The following SLC44A2 variants were observed in gnomAD, a reference collection of about 807,000 sequenced individuals.
SLC44A2 encodes choline transporter-like protein 2.
A neutral mutation model predicts 90.8 loss-of-function variants in SLC44A2; 57 were observed. The observed-to-expected ratio is 0.63, with a 90% CI of 0.51 to 0.78. The LOEUF (loss-of-function observed/expected upper bound fraction) is 0.78. SLC44A2 is among the 30% of genes least tolerant of loss of function. The probability of loss-of-function intolerance (pLI) is 0.00; values close to 1 mark genes in which losing one functional copy is unlikely to be tolerated. For missense variants in SLC44A2, 794 were observed against 919.7 expected, an observed-to-expected ratio of 0.86 and a Z score of 1.77; for synonymous variants, 355 against 360.7, an observed-to-expected ratio of 0.98 and a Z score of 0.18.
Position 10,638,415 on chromosome 19 carries a change from G to A in SLC44A2, c.1929+100G>A, listed in dbSNP as rs1471463785. On this transcript the variant is annotated intron_variant, in intron 20 of 21. Transcript: ENST00000335757. Reference sequence around the variant, plus strand: ...ATAAATGTGGATAGAGGTCAGAGGTGGGGAATTGATTATTTATTCAGACCA... The same window carrying A: ...ATAAATGTGGATAGAGGTCAGAGGTAGGGAATTGATTATTTATTCAGACCA... 3 of 1,110,416 alleles carry A rather than the reference G, an allele frequency of 2.7e-6. No individual in the cohort carries two copies. The East Asian group carries it at 7.1e-5, about 26-fold the overall frequency. The allele number at this position is 1,110,416 out of a possible 1,614,324, so 68.8% of individuals were successfully genotyped here.
upstream of SLC44A2, among the ~76,000 whole-genome samples, chr19:10,623,053 G>A (rs1731968734): frequency 1.3e-5 from 2 of 151,340 alleles, no homozygotes; most frequent in Admixed American, 6.6e-5. Flanking sequence ...TGGTGGGTGG[G>A]GCCTGAATAA....
intron 1 of SLC44A2, among the ~76,000 whole-genome samples, chr19:10,602,938 C>A (rs1484017027): frequency 2.6e-5 from 4 of 152,172 alleles, no homozygotes; most frequent in African/African-American, 4.8e-5. Flanking sequence ...CCCCTTTGTC[C>A]ATTTCTTCCT....
rs1221332452 is a variant in SLC44A2 at position 10,638,087 on chromosome 19, A to C, written c.1834A>C (p.Ser612Arg). Residue 612 changes from serine (S) to arginine (R), a missense_variant, in exon 19 of 22, where the codon AGT becomes CGT. Transcript: ENST00000335757. Reference sequence around the variant, plus strand: ...GTTGGGCAAACTTCTGATCGTTGGTAGTGTGGGTGAGTGCCGCCCACCTAG... The same window carrying C: ...GTTGGGCAAACTTCTGATCGTTGGTCGTGTGGGTGAGTGCCGCCCACCTAG... The part of the protein sequence containing the change: ...FLLGKLLIVG[S>R]VGILAFFFFT... 1 of 1,612,904 alleles carries C rather than the reference A, an allele frequency of 6.2e-7. No individual in the cohort carries two copies. The highest frequency in any genetic ancestry group is 8.5e-7 in the Non-Finnish European group (1 of 1,179,798).
intron 1 of SLC44A2, among the ~76,000 whole-genome samples, chr19:10,608,148 A>T (rs905678282): frequency 2.1e-4 from 32 of 150,750 alleles, no homozygotes; most frequent in African/African-American, 6.3e-4. Flanking sequence ...GCTTGAACCC[A>T]GGAGGTGGAG....
Position 10,613,439 on chromosome 19 carries a change from T to C in SLC44A2, c.31+10878T>C, listed in dbSNP as rs553793593. ...TAATTTTTTGTATTTTTAGTAGACA[T>C]GGGGTTTCACCACGTTGGACAGGCT... On this transcript the variant is annotated intron_variant, in intron 1 of 21. Transcript: ENST00000407327. Among the ~76,000 whole-genome samples, 3 of 152,106 alleles carry C rather than the reference T, an allele frequency of 2.0e-5. No individual in the cohort carries two copies. In the South Asian group the frequency reaches 6.2e-4, roughly 31 times the overall value.
chr19:10,611,837 C>G (rs1473611265), intron 1 of SLC44A2, among the ~76,000 whole-genome samples: 1 of 152,038 alleles, frequency 6.6e-6, no homozygotes, highest in East Asian at 1.9e-4. Context: ...TACAAGTAAA[C>G]AAATAAACTC....
chr19:10,619,151 C>T (rs1370979735), intron 1 of SLC44A2, among the ~76,000 whole-genome samples: 1 of 151,216 alleles, frequency 6.6e-6, no homozygotes, highest in Non-Finnish European at 1.5e-5. Context: ...AAATTTTGGC[C>T]GGGCACAGTG....
In SLC44A2 at chr19:10,631,259, C is replaced by T; in HGVS notation, c.331-16C>T. ...CTGCCCCAACTCCACCCAATCCCTT[C>T]CTTCTCCCCTCCCAGATCTGCGTGG... is the stretch of plus-strand genomic sequence containing the variant. On this transcript the variant is annotated splice_polypyrimidine_tract_variant and intron_variant, in intron 5 of 21. Transcript: ENST00000335757. 2 of 1,613,380 alleles carry T rather than the reference C, an allele frequency of 1.2e-6. No homozygotes were observed. The highest frequency in any genetic ancestry group is 1.7e-6 in the Non-Finnish European group (2 of 1,179,360).
intron 10 of SLC44A2, among the ~76,000 whole-genome samples, chr19:10,633,967 A>T (rs1040622053): frequency 1.7e-5 from 1 of 60,260 alleles, no homozygotes; most frequent in African/African-American, 9.9e-5. Context: ...TAGAAACCCC[A>T]TCTCTATTTT....
intron 1 of SLC44A2, among the ~76,000 whole-genome samples, chr19:10,612,717 G>A (rs2144812453): frequency 6.6e-6 from 1 of 152,352 alleles, no homozygotes; most frequent in East Asian, 1.9e-4. Flanking sequence ...GCAGGCTGTG[G>A]CAGTTCTCTT....
At chr19:10,619,228 G>A (rs897483380) in intron 1 of SLC44A2, among the ~76,000 whole-genome samples, 3 of 151,248 alleles carry the variant, frequency 2.0e-5, no homozygotes, top group Admixed American at 1.3e-4. Context: ...TCAAGAGTTC[G>A]AGACCAGCTG....
chr19:10,642,959 A>G (rs1242783282), intron 21 of SLC44A2: 1 of 1,592,510 alleles, frequency 6.3e-7, no homozygotes, highest in Non-Finnish European at 8.5e-7. Flanking sequence ...GCCCGAGCTG[A>G]GAGACATCCT....
intron 16 of SLC44A2, 62 bp from the exon 17 acceptor site, chr19:10,637,582 G>T: frequency 7.0e-7 from 1 of 1,420,086 alleles, no homozygotes; most frequent in South Asian, 1.1e-5. Flanking sequence ...TAGGGAAGAG[G>T]GGATCCCTTC....
chr19:10,631,256 C>T lies in SLC44A2; in HGVS notation c.331-19C>T, dbSNP rs1392232391. The T allele has an allele frequency of 1.2e-6, 2 of 1,613,256 alleles. No individual in the cohort carries two copies. The highest frequency in any genetic ancestry group is 1.3e-5 in the African/African-American group (1 of 74,904). On this transcript the variant is annotated intron_variant, in intron 5 of 21. Transcript: ENST00000335757. Reference sequence around the variant, plus strand: ...AGTCTGCCCCAACTCCACCCAATCCCTTCCTTCTCCCCTCCCAGATCTGCG... The same window carrying T: ...AGTCTGCCCCAACTCCACCCAATCCTTTCCTTCTCCCCTCCCAGATCTGCG...
intron 1 of SLC44A2, among the ~76,000 whole-genome samples, chr19:10,607,894 C>G (rs1051453189): frequency 6.6e-6 from 1 of 150,518 alleles, no homozygotes; most frequent in Non-Finnish European, 1.5e-5. Context: ...TACAGGCGCC[C>G]GCCACTGTGC....
At chr19:10,606,423 C>A (rs1298831132) in intron 1 of SLC44A2, among the ~76,000 whole-genome samples, 2 of 151,940 alleles carry the variant, frequency 1.3e-5, no homozygotes, top group African/African-American at 4.8e-5. Context: ...CGCCTGTAAT[C>A]CCAGCACTTT....
At chr19:10,633,973 ATT>A (rs1406434263) in intron 10 of SLC44A2, among the ~76,000 whole-genome samples, 2 of 107,926 alleles carry the variant, frequency 1.9e-5, no homozygotes, top group Non-Finnish European at 1.7e-5. Flanking sequence ...CCCCATCTCT[ATT>A]TTTTTTTTTT....
At chr19:10,636,205 C>CGA in intron 14 of SLC44A2, 118 bp from the exon 15 acceptor site, 2 of 1,233,234 alleles carry the variant, frequency 1.6e-6, no homozygotes, top group Admixed American at 2.3e-5. Context: ...CCCTTAACTT[C>CGA]AATCCCTATG....
intron 1 of SLC44A2, among the ~76,000 whole-genome samples, chr19:10,602,934 T>A (rs1275214312): frequency 2.0e-5 from 3 of 152,128 alleles, no homozygotes; most frequent in Non-Finnish European, 4.4e-5. Context: ...CAATCCCCTT[T>A]GTCCATTTCT....
Sources: allele counts gnomAD v4.1 joint callset (sites outside exome capture counted in the v4.1 genomes callset), GRCh38; gene constraint gnomAD v4.1.1; transcripts MANE v1.5; gene names NCBI Gene and HGNC (gene_info 2026-07-23, HGNC 2026-07-21).